CPA6: variants seen among roughly 807,000 people sequenced by gnomAD.
The protein encoded by CPA6 is carboxypeptidase B.
Under a neutral mutation model 63.3 loss-of-function variants are expected in CPA6, and 58 were observed. The ratio of observed to expected loss-of-function variants is 0.92; its 90% CI spans 0.74 to 1.14. CPA6 has a LOEUF of 1.14. CPA6 is among the 50% of genes most tolerant of loss of function. The probability of loss-of-function intolerance (pLI) is 0.00; values close to 1 mark genes in which losing one functional copy is unlikely to be tolerated. For synonymous variants in CPA6, 185 were observed against 179.0 expected (o/e 1.03, Z -0.27); for missense variants, 565 against 526.6 (o/e 1.07, Z -0.71).
At chr8:67,668,599 C>T (rs559019835) in intron 1 of CPA6, among the ~76,000 whole-genome samples, 12 of 152,198 alleles carry the variant, frequency 7.9e-5, no homozygotes, top group African/African-American at 2.9e-4. Flanking sequence ...AAATGTGCTC[C>T]GGTAGGAACA....
intron 2 of CPA6, among the ~76,000 whole-genome samples, chr8:67,590,286 TCATTGTTGGA>T (rs1472053389): frequency 2.0e-5 from 3 of 151,434 alleles, no homozygotes; most frequent in African/African-American, 7.3e-5. Flanking sequence ...ATCCAGTCTA[TCATTGTTGGA>T]CATTTGGCTT....
At chr8:67,658,168 AT>A (rs539021929) in intron 1 of CPA6, among the ~76,000 whole-genome samples, 1 of 152,154 alleles carries the variant, frequency 6.6e-6, no homozygotes, top group African/African-American at 2.4e-5. Context: ...ACCTAACAGA[AT>A]TTTTTTAAAG....
At chr8:67,447,530 CACACACACACACACACAT>C (rs1410133059) in intron 8 of CPA6, among the ~76,000 whole-genome samples, 87 of 148,266 alleles carry the variant, frequency 5.9e-4, no homozygotes, top group African/African-American at 2.2e-3. Flanking sequence ...CACACACACA[CACACACACACACACACAT>C]ACACATTTTA....
At chr8:67,600,355 G>A (rs1175704703) in intron 2 of CPA6, among the ~76,000 whole-genome samples, 1 of 151,702 alleles carries the variant, frequency 6.6e-6, no homozygotes, top group East Asian at 1.9e-4. Context: ...ACTAGGAGCT[G>A]GGGGTGGGTT....
chr8:67,448,670 G>GAAAGAAAGAAAAAA (rs1810487982), intron 8 of CPA6, among the ~76,000 whole-genome samples: 1 of 75,402 alleles, frequency 1.3e-5, no homozygotes, highest in Non-Finnish European at 2.6e-5. Flanking sequence ...GAACGAAAAA[G>GAAAGAAAGAAAAAA]AAAAAAAAAG....
At chr8:67,602,590 C>A (rs962723380) in intron 2 of CPA6, among the ~76,000 whole-genome samples, 1 of 152,174 alleles carries the variant, frequency 6.6e-6, no homozygotes, top group African/African-American at 2.4e-5. Context: ...TACTAAAAGG[C>A]TTCCTTCCTG....
At chr8:67,693,607 T>G (rs549058609) in intron 1 of CPA6, among the ~76,000 whole-genome samples, 1 of 152,330 alleles carries the variant, frequency 6.6e-6, no homozygotes, top group South Asian at 2.1e-4. Context: ...ATGGGATTAG[T>G]GCCCTAATGA....
chr8:67,475,817 C>CTTTCTTT (rs1554666491), intron 8 of CPA6, among the ~76,000 whole-genome samples: 7 of 31,558 alleles, frequency 2.2e-4, no homozygotes, highest in South Asian at 2.5e-3. Flanking sequence ...TTCTTTCTTT[C>CTTTCTTT]CTTTCTTTTC....
intron 8 of CPA6, among the ~76,000 whole-genome samples, chr8:67,455,826 C>CA (rs1436836443): frequency 2.0e-5 from 3 of 151,996 alleles, no homozygotes; most frequent in African/African-American, 7.2e-5. Flanking sequence ...GTGATCCTCC[C>CA]ACCTCAGTCT....
Position 67,575,859 on chromosome 8 carries a change from G to T in CPA6, c.192+48317C>A, listed in dbSNP as rs548964337. ...TCTGTCTCCAAAAAAAAAAAAAAAA[G>T]GAAGAAATTTTGTCAACATGGATGG... On this transcript the variant is annotated intron_variant, in intron 2 of 10. Transcript: ENST00000297770. Among the ~76,000 whole-genome samples, 31 of 147,586 alleles carry T rather than the reference G, an allele frequency of 2.1e-4. No individual in the cohort carries two copies. In the South Asian group the frequency reaches 6.2e-3, roughly 30 times the overall value.
chr8:67,555,562 C>G (rs947119772), intron 2 of CPA6, among the ~76,000 whole-genome samples: 1 of 152,134 alleles, frequency 6.6e-6, no homozygotes. Context: ...AGGTAAAGCA[C>G]TTTCCTGAGT....
At chr8:67,459,282 C>T (rs1379567558) in intron 8 of CPA6, among the ~76,000 whole-genome samples, 1 of 152,124 alleles carries the variant, frequency 6.6e-6, no homozygotes, top group East Asian at 1.9e-4. Context: ...CTTTGGCCTC[C>T]CAAAGTGCTG....
chr8:67,610,601 T>G (rs950677800), intron 2 of CPA6, among the ~76,000 whole-genome samples: 3 of 152,150 alleles, frequency 2.0e-5, no homozygotes, highest in Non-Finnish European at 4.4e-5. Context: ...ACAGGAGAGA[T>G]GACTGACTTC....
intron 8 of CPA6, among the ~76,000 whole-genome samples, chr8:67,451,355 C>T (rs560438239): frequency 1.2e-4 from 18 of 152,280 alleles, no homozygotes; most frequent in Admixed American, 8.5e-4. Flanking sequence ...TTGTGAACTG[C>T]GCATGCAGGG....
chr8:67,583,983 C>T (rs113545484), intron 2 of CPA6, among the ~76,000 whole-genome samples: 15,891 of 151,770 alleles, frequency 0.1, 925 homozygotes, highest in Middle Eastern at 0.19. Context: ...TGGTGAATCC[C>T]CGTCTCTACT....
chr8:67,632,899 C>A (rs1179292646), intron 1 of CPA6, among the ~76,000 whole-genome samples: 1 of 152,100 alleles, frequency 6.6e-6, no homozygotes, highest in Non-Finnish European at 1.5e-5. Flanking sequence ...AAAAGAATAT[C>A]TTTCGTATAT....
intron 1 of CPA6, among the ~76,000 whole-genome samples, chr8:67,654,328 C>T (rs1815929928): frequency 1.3e-5 from 2 of 152,178 alleles, no homozygotes; most frequent in Admixed American, 6.5e-5. Context: ...GGTACCAGCT[C>T]CTCCTTGTAC....
rs549404587 is a variant in CPA6 at position 67,443,034 on chromosome 8, T to A, written c.839-8794A>T. Among the ~76,000 whole-genome samples, 69 of 151,848 alleles carry A rather than the reference T, an allele frequency of 4.5e-4. 1 individual carries two copies. Among genetic ancestry groups the A allele is most frequent in the African/African-American group, 1.6e-3 (66 of 41,390 alleles). Reference sequence around the variant, plus strand: ...CCTCTCTTTTCATAGGTTTCTGACCTGCATCATGGCAAAAAAGCTGTCCTA... The same window carrying A: ...CCTCTCTTTTCATAGGTTTCTGACCAGCATCATGGCAAAAAAGCTGTCCTA... On this transcript the variant is annotated intron_variant, in intron 8 of 10. Transcript: ENST00000297770.
chr8:67,527,714 G>A (rs1323019340), intron 2 of CPA6, among the ~76,000 whole-genome samples: 1 of 152,160 alleles, frequency 6.6e-6, no homozygotes, highest in African/African-American at 2.4e-5. Flanking sequence ...TCATCATTCA[G>A]TGATCAGTTA....
Sources: gnomAD v4.1 joint callset for allele counts (sites outside exome capture counted in the v4.1 genomes callset) on GRCh38, gnomAD v4.1.1 for gene constraint, MANE v1.5 for transcripts, NCBI Gene and HGNC (gene_info 2026-07-23, HGNC 2026-07-21) for gene names.